DSCAML1: variants seen among roughly 807,000 people sequenced by gnomAD.
The protein encoded by DSCAML1 is DS cell adhesion molecule like 1.
DSCAML1 carries 38 observed loss-of-function variants against 200.5 expected under a neutral mutation model. That is an observed-to-expected ratio of 0.19 (90% CI 0.15 to 0.25). The LOEUF (loss-of-function observed/expected upper bound fraction) is 0.25. Among genes scored for constraint, DSCAML1 ranks in the 10% least tolerant of loss-of-function variants. The probability of loss-of-function intolerance (pLI) is 1.00; values close to 1 mark genes in which losing one functional copy is unlikely to be tolerated. For missense variants in DSCAML1, 2,223 were observed against 2,858.8 expected (o/e 0.78, Z 5.07); for synonymous variants, 1,215 against 1,165.0 (o/e 1.04, Z -0.87).
chr11:117,712,876 A>G (rs74443315), intron 3 of DSCAML1, among the ~76,000 whole-genome samples: 1,930 of 150,928 alleles, frequency 0.013, 19 homozygotes, highest in East Asian at 0.041. Context: ...CCTGTGACTG[A>G]CTCCCTTTCT....
At chr11:117,451,971 T>C (rs947404456) in intron 19 of DSCAML1, among the ~76,000 whole-genome samples, 1 of 152,172 alleles carries the variant, frequency 6.6e-6, no homozygotes, top group African/African-American at 2.4e-5. Flanking sequence ...TGGGGCTAAA[T>C]AAAATAACTA....
At chr11:117,619,601 G>C (rs2051885039) in intron 3 of DSCAML1, among the ~76,000 whole-genome samples, 1 of 152,138 alleles carries the variant, frequency 6.6e-6, no homozygotes, top group South Asian at 2.1e-4. Context: ...ACTTAAAAGT[G>C]AATTATGGAT....
At chr11:117,444,132 T>G in intron 20 of DSCAML1, 93 bp from the exon 21 acceptor site, 1 of 1,428,012 alleles carries the variant, frequency 7.0e-7, no homozygotes, top group Non-Finnish European at 9.4e-7. Context: ...GAGGAGAGGA[T>G]GGCGGGGTCG....
chr11:117,646,579 A>C (rs896780986), intron 3 of DSCAML1, among the ~76,000 whole-genome samples: 3 of 152,334 alleles, frequency 2.0e-5, no homozygotes, highest in Middle Eastern at 3.4e-3. Flanking sequence ...CAAAGTGTTA[A>C]CAGATTAATG....
intron 3 of DSCAML1, among the ~76,000 whole-genome samples, chr11:117,693,054 T>G (rs2053526575): frequency 6.6e-6 from 1 of 152,204 alleles, no homozygotes; most frequent in African/African-American, 2.4e-5. Context: ...TCTGATGTGG[T>G]CTGAACAGCA....
intron 3 of DSCAML1, among the ~76,000 whole-genome samples, chr11:117,621,771 A>T (rs2051938919): frequency 6.6e-6 from 1 of 152,192 alleles, no homozygotes; most frequent in South Asian, 2.1e-4. Flanking sequence ...GCAGGAGGCA[A>T]TATTTACCTC....
chr11:117,650,076 G>A (rs1336453703), intron 3 of DSCAML1, among the ~76,000 whole-genome samples: 1 of 152,210 alleles, frequency 6.6e-6, no homozygotes, highest in Non-Finnish European at 1.5e-5. Context: ...TTAGGAACCA[G>A]GCAAGGGACT....
At chr11:117,544,342 A>G (rs867350040) in intron 3 of DSCAML1, among the ~76,000 whole-genome samples, 8 of 152,366 alleles carry the variant, frequency 5.3e-5, no homozygotes, top group Middle Eastern at 3.4e-3. Flanking sequence ...GATAGTTCAT[A>G]GGACTAATGA....
At chr11:117,649,608 T>C (rs373500722) in intron 3 of DSCAML1, among the ~76,000 whole-genome samples, 9 of 152,178 alleles carry the variant, frequency 5.9e-5, no homozygotes, top group African/African-American at 1.9e-4. Flanking sequence ...CTCTTCTTCA[T>C]TGATCTCCCT....
In DSCAML1 at chr11:117,428,101, A is replaced by G. The variant is rs2047695769; in HGVS notation, c.*227T>C. On this transcript the variant is annotated 3_prime_UTR_variant, in exon 33 of 33. Transcript: ENST00000651296. ...CATATTTTGTGGGGTGGGGGATTTG[A>G]CTTGTACTGTCAAATTCTTTGTGCC... 1 of 475,408 alleles carries G rather than the reference A, an allele frequency of 2.1e-6. No individual in the cohort carries two copies. Among genetic ancestry groups the G allele is most frequent in the African/African-American group, 2.1e-5 (1 of 48,040 alleles). 29.4% of individuals were successfully genotyped at this position (475,408 alleles called of 1,614,324 possible).
chr11:117,604,598 T>C (rs2051528475), intron 3 of DSCAML1, among the ~76,000 whole-genome samples: 1 of 152,210 alleles, frequency 6.6e-6, no homozygotes, highest in African/African-American at 2.4e-5. Context: ...ATTGCTGTTG[T>C]TTATTTATTC....
chr11:117,433,362 G>A, intron 28 of DSCAML1, 79 bp downstream of exon 28: 5 of 1,588,442 alleles, frequency 3.1e-6, no homozygotes, highest in Non-Finnish European at 4.3e-6. Flanking sequence ...TATTCTGGGA[G>A]TTCAGAGCGA....
At chr11:117,634,752 TG>T (rs544736430) in intron 3 of DSCAML1, among the ~76,000 whole-genome samples, 1 of 152,258 alleles carries the variant, frequency 6.6e-6, no homozygotes, top group South Asian at 2.1e-4. Context: ...AGCTGCAAGG[TG>T]GTCCCCTACT....
At chr11:117,815,954 T>C (rs2055802003) in intron 1 of DSCAML1, among the ~76,000 whole-genome samples, 1 of 151,964 alleles carries the variant, frequency 6.6e-6, no homozygotes, top group Non-Finnish European at 1.5e-5. Context: ...CTGCCACTCC[T>C]GAACATAGCT....
chr11:117,749,255 G>A (rs2054564734), intron 3 of DSCAML1, among the ~76,000 whole-genome samples: 1 of 152,186 alleles, frequency 6.6e-6, no homozygotes, highest in Admixed American at 6.5e-5. Flanking sequence ...CTGTGGCGGA[G>A]CTGTGCCTTC....
At chr11:117,681,121 CT>C (rs1480965842) in intron 3 of DSCAML1, among the ~76,000 whole-genome samples, 1 of 152,192 alleles carries the variant, frequency 6.6e-6, no homozygotes, top group African/African-American at 2.4e-5. Flanking sequence ...AAACACGCAT[CT>C]GCAAACCCAC....
intron 3 of DSCAML1, among the ~76,000 whole-genome samples, chr11:117,764,631 G>C (rs746499865): frequency 3.9e-5 from 6 of 152,250 alleles, no homozygotes; most frequent in Non-Finnish European, 7.3e-5. Flanking sequence ...TGTCAGACAT[G>C]GCTGGCACAG....
intron 3 of DSCAML1, among the ~76,000 whole-genome samples, chr11:117,650,817 C>T (rs2052618229): frequency 6.6e-6 from 1 of 152,030 alleles, no homozygotes; most frequent in African/African-American, 2.4e-5. Context: ...CCCAGCTTTC[C>T]ACTGTGGTGA....
At chr11:117,474,899 C>T (rs1279344455) in intron 14 of DSCAML1, among the ~76,000 whole-genome samples, 3 of 152,024 alleles carry the variant, frequency 2.0e-5, no homozygotes. Context: ...GGACTACAGG[C>T]GCATGCCACC....
Sources: allele counts gnomAD v4.1 joint callset (sites outside exome capture counted in the v4.1 genomes callset), GRCh38; gene constraint gnomAD v4.1.1; transcripts MANE v1.5; gene names NCBI Gene and HGNC (gene_info 2026-07-23, HGNC 2026-07-21).